LRRTM4: variants seen among roughly 807,000 people sequenced by gnomAD.
The protein encoded by LRRTM4 is leucine rich repeat transmembrane neuronal 4.
In LRRTM4, 25 loss-of-function variants were observed where a neutral mutation model predicts 47.6. The ratio of observed to expected loss-of-function variants is 0.53; its 90% CI spans 0.38 to 0.73. LRRTM4 has a LOEUF of 0.73. Among genes scored for constraint, LRRTM4 ranks in the 30% least tolerant of loss-of-function variants. LRRTM4 has a pLI of 0.00. For synonymous variants in LRRTM4, 311 were observed against 269.5 expected, an observed-to-expected ratio of 1.15 and a Z score of -1.51; for missense variants, 638 against 713.4, an observed-to-expected ratio of 0.89 and a Z score of 1.20.
chr2:77,148,281 A>G lies in LRRTM4; in HGVS notation c.1551+370037T>C, dbSNP rs551443889. 2.8e-4 allele frequency among the ~76,000 whole-genome samples: 42 copies of G among 152,292 alleles called. No homozygotes were observed. The South Asian group carries it at 8.7e-3, about 32-fold the overall frequency. On this transcript the variant is annotated intron_variant, in intron 3 of 3. Transcript: ENST00000409884. ...GCCTTGGGTGTCTTGCAAAAGGGGA[A>G]TGATTTGGCATATCTTAAAATGCTT...
intron 3 of LRRTM4, among the ~76,000 whole-genome samples, chr2:77,498,392 A>G (rs1386603821): frequency 6.6e-6 from 1 of 151,840 alleles, no homozygotes; most frequent in Non-Finnish European, 1.5e-5. Context: ...TTCCTCCTGC[A>G]CATTTTCATT....
chr2:77,129,507 T>C (rs1671739766), intron 3 of LRRTM4, among the ~76,000 whole-genome samples: 1 of 152,192 alleles, frequency 6.6e-6, no homozygotes, highest in African/African-American at 2.4e-5. Context: ...AAGGGAGTTA[T>C]CAGAAACTCT....
At chr2:77,387,916 TA>T (rs201935132) in intron 3 of LRRTM4, among the ~76,000 whole-genome samples, 235 of 149,808 alleles carry the variant, frequency 1.6e-3, no homozygotes, top group African/African-American at 4.9e-3. Flanking sequence ...TCATTGATAG[TA>T]AAAAAAAAAT....
intron 3 of LRRTM4, among the ~76,000 whole-genome samples, chr2:77,361,837 A>C (rs1672224647): frequency 6.6e-6 from 1 of 152,044 alleles, no homozygotes; most frequent in Non-Finnish European, 1.5e-5. Flanking sequence ...ACAGGTGACA[A>C]ATCTGAGATT....
intron 3 of LRRTM4, among the ~76,000 whole-genome samples, chr2:77,239,493 C>T (rs1353273657): frequency 6.6e-6 from 1 of 151,800 alleles, no homozygotes; most frequent in Non-Finnish European, 1.5e-5. Context: ...AAGAGATTGT[C>T]AGATGATTGG....
intron 3 of LRRTM4, among the ~76,000 whole-genome samples, chr2:77,364,841 T>G (rs1672381016): frequency 6.6e-6 from 1 of 152,076 alleles, no homozygotes; most frequent in East Asian, 1.9e-4. Context: ...AATTTTTGTG[T>G]GGGAAAAACA....
At chr2:77,110,054 T>C (rs930279582) in intron 3 of LRRTM4, among the ~76,000 whole-genome samples, 3 of 152,022 alleles carry the variant, frequency 2.0e-5, no homozygotes, top group African/African-American at 7.2e-5. Context: ...AATGCAAAAA[T>C]GTATGGCTTC....
At chr2:76,762,059 C>A (rs1490389919) in intron 3 of LRRTM4, among the ~76,000 whole-genome samples, 1 of 152,136 alleles carries the variant, frequency 6.6e-6, no homozygotes, top group Non-Finnish European at 1.5e-5. Context: ...CACTCACTCA[C>A]CCCCAACTAC....
chr2:77,175,074 C>CT (rs34057321), intron 3 of LRRTM4, among the ~76,000 whole-genome samples: 29,842 of 138,296 alleles, frequency 0.22, 5,759 homozygotes, highest in African/African-American at 0.51. Flanking sequence ...TTTCTTTTTT[C>CT]TTTTTTTTTT....
At chr2:76,982,428 G>C (rs1176825384) in intron 3 of LRRTM4, among the ~76,000 whole-genome samples, 1 of 151,774 alleles carries the variant, frequency 6.6e-6, no homozygotes, top group African/African-American at 2.4e-5. Flanking sequence ...TAAATGGAAA[G>C]GAAAAAAAGT....
chr2:77,305,792 A>G (rs1283672855), intron 3 of LRRTM4, among the ~76,000 whole-genome samples: 1 of 152,096 alleles, frequency 6.6e-6, no homozygotes, highest in Non-Finnish European at 1.5e-5. Context: ...AAATAATACA[A>G]TCATAATTAT....
intron 3 of LRRTM4, among the ~76,000 whole-genome samples, chr2:76,978,767 CA>C (rs1484549299): frequency 8.5e-5 from 13 of 152,060 alleles, no homozygotes; most frequent in African/African-American, 3.1e-4. Flanking sequence ...TTTGTTTTAG[CA>C]AAAGGTTAAA....
chr2:76,825,278 G>A (rs918775564), intron 3 of LRRTM4, among the ~76,000 whole-genome samples: 2 of 151,656 alleles, frequency 1.3e-5, no homozygotes, highest in Non-Finnish European at 3.0e-5. Flanking sequence ...TTAAAGCAGA[G>A]AGGACAGTTA....
chr2:76,815,270 G>T (rs1460597591), intron 3 of LRRTM4, among the ~76,000 whole-genome samples: 1 of 152,098 alleles, frequency 6.6e-6, no homozygotes, highest in Non-Finnish European at 1.5e-5. Flanking sequence ...GCTCGCCAGT[G>T]TCAGAAAACT....
intron 3 of LRRTM4, among the ~76,000 whole-genome samples, chr2:76,897,363 G>C (rs1442865729): frequency 2.0e-5 from 3 of 152,084 alleles, no homozygotes; most frequent in East Asian, 3.9e-4. Context: ...AAGAGCTTGT[G>C]TGTAAGGGAC....
chr2:77,016,930 C>CTA (rs1006431782), intron 3 of LRRTM4, among the ~76,000 whole-genome samples: 20 of 151,740 alleles, frequency 1.3e-4, no homozygotes, highest in African/African-American at 4.4e-4. Flanking sequence ...TAGCAGCACT[C>CTA]TATTTGCCTG....
chr2:77,198,048 G>T (rs1407812444), intron 3 of LRRTM4, among the ~76,000 whole-genome samples: 2 of 152,168 alleles, frequency 1.3e-5, no homozygotes, highest in Non-Finnish European at 2.9e-5. Flanking sequence ...AGGTCATGTT[G>T]CAGTATAGTA....
At chr2:76,840,258 A>G (rs1417294633) in intron 3 of LRRTM4, among the ~76,000 whole-genome samples, 1 of 152,236 alleles carries the variant, frequency 6.6e-6, no homozygotes, top group African/African-American at 2.4e-5. Flanking sequence ...ATAAAATACA[A>G]TGAAAATGCA....
intron 3 of LRRTM4, among the ~76,000 whole-genome samples, chr2:76,912,654 A>C (rs1008245057): frequency 1.1e-4 from 16 of 152,188 alleles, no homozygotes; most frequent in South Asian, 8.3e-4. Flanking sequence ...TGTCATGAAG[A>C]ATTGTAATCC....
Sources: allele counts gnomAD v4.1 joint callset (sites outside exome capture counted in the v4.1 genomes callset), GRCh38; gene constraint gnomAD v4.1.1; transcripts MANE v1.5; gene names NCBI Gene and HGNC (gene_info 2026-07-23, HGNC 2026-07-21).